The following STARD6 variants were observed in gnomAD, a reference collection of about 807,000 sequenced individuals.
STARD6 encodes the protein StAR related lipid transfer domain containing 6, also known as stAR-related lipid transfer protein 6.
A neutral mutation model predicts 22.3 loss-of-function variants in STARD6; 21 were observed. The ratio of observed to expected loss-of-function variants is 0.94; its 90% CI spans 0.67 to 1.35. STARD6 has a LOEUF of 1.35. STARD6 is among the 40% of genes most tolerant of loss of function. The pLI, the probability that STARD6 is intolerant of heterozygous loss-of-function variation, is 0.00. For synonymous variants in STARD6, 80 were observed against 88.1 expected (o/e 0.91, Z 0.52); for missense variants, 269 against 266.9 (o/e 1.01, Z -0.05).
In STARD6 at chr18:54,342,029, C is replaced by T. The variant is rs112041663; in HGVS notation, c.141-4778G>A. Among the ~76,000 whole-genome samples the T allele has an allele frequency of 4.3e-3, 661 of 151,956 alleles. 9 individuals are homozygous for T. The highest frequency in any genetic ancestry group is 0.014 in the African/African-American group (568 of 41,470). ...ATTGATAAATGTTTAGCTAGATGTACGCAAAAAAAGAGAATAGACTCAACT... is the reference window on the plus strand; with the variant it reads ...ATTGATAAATGTTTAGCTAGATGTATGCAAAAAAAGAGAATAGACTCAACT... On this transcript the variant is annotated intron_variant, in intron 4 of 7. Coordinates refer to ENST00000307844, the MANE Select transcript of STARD6 (RefSeq NM_139171.2).
At chr18:54,344,049 G>T (rs1361415746) in intron 4 of STARD6, among the ~76,000 whole-genome samples, 1 of 44,992 alleles carries the variant, frequency 2.2e-5, no homozygotes, top group South Asian at 9.5e-4. Context: ...CCCTCTGCCC[G>T]GCCACCACCC....
intron 4 of STARD6, among the ~76,000 whole-genome samples, chr18:54,340,238 A>T (rs2088957954): frequency 1.3e-5 from 2 of 152,152 alleles, no homozygotes; most frequent in South Asian, 4.1e-4. Context: ...TATAGACATA[A>T]TATGTGCAAC....
chr18:54,331,060 G>A (rs562843792), intron 6 of STARD6, among the ~76,000 whole-genome samples: 23 of 152,126 alleles, frequency 1.5e-4, no homozygotes, highest in African/African-American at 5.5e-4. Flanking sequence ...TTAACGAAAC[G>A]TAGTTGTCCC....
At chr18:54,341,277 T>A (rs890403596) in intron 4 of STARD6, among the ~76,000 whole-genome samples, 3 of 152,190 alleles carry the variant, frequency 2.0e-5, no homozygotes, top group Non-Finnish European at 2.9e-5. Flanking sequence ...GCCAGGATGG[T>A]CTCGATCTCC....
chr18:54,338,246 G>A (rs569125277), intron 4 of STARD6, among the ~76,000 whole-genome samples: 3 of 152,320 alleles, frequency 2.0e-5, no homozygotes, highest in Non-Finnish European at 4.4e-5. Context: ...GCTGAAGGCT[G>A]CACCCTCTGA....
intron 4 of STARD6, among the ~76,000 whole-genome samples, chr18:54,346,894 C>T (rs1268472076): frequency 6.6e-6 from 1 of 152,100 alleles, no homozygotes; most frequent in South Asian, 2.1e-4. Context: ...TCGCCTGGGG[C>T]TGGGGTGAAT....
At chr18:54,357,655 G>A (rs1385275792) in intron 1 of STARD6, 137 bp downstream of exon 1, 3 of 152,454 alleles carry the variant, frequency 2.0e-5, no homozygotes, top group Non-Finnish European at 4.4e-5. Flanking sequence ...GGGGCCGGCT[G>A]AAGGGAGATC....
chr18:54,336,540 G>A (rs1461301969), intron 5 of STARD6, among the ~76,000 whole-genome samples: 1 of 152,110 alleles, frequency 6.6e-6, no homozygotes, highest in African/African-American at 2.4e-5. Flanking sequence ...CTTCATAGCC[G>A]GCGGACTCAT....
At chr18:54,325,271 A>G (rs1225543771) in intron 7 of STARD6, among the ~76,000 whole-genome samples, 1 of 152,120 alleles carries the variant, frequency 6.6e-6, no homozygotes, top group Non-Finnish European at 1.5e-5. Context: ...AAAACAGCAT[A>G]CATTTGTACA....
intron 5 of STARD6, among the ~76,000 whole-genome samples, chr18:54,335,909 CAATT>C (rs1425188258): frequency 1.3e-5 from 2 of 152,128 alleles, no homozygotes; most frequent in Non-Finnish European, 1.5e-5. Context: ...AACTGTGAGT[CAATT>C]AAACCTTTTT....
At chr18:54,342,525 G>C (rs1435000342) in intron 4 of STARD6, among the ~76,000 whole-genome samples, 3 of 133,846 alleles carry the variant, frequency 2.2e-5, no homozygotes, top group African/African-American at 9.2e-5. Context: ...ATGCGGAGCC[G>C]AAGCTGGACT....
chr18:54,346,018 T>G (rs771902575), intron 4 of STARD6, among the ~76,000 whole-genome samples: 1 of 152,166 alleles, frequency 6.6e-6, no homozygotes, highest in Non-Finnish European at 1.5e-5. Context: ...AATTATTTCT[T>G]GGATTCAGCA....
chr18:54,329,967 A>G (rs1168714521), intron 6 of STARD6, among the ~76,000 whole-genome samples: 1 of 151,820 alleles, frequency 6.6e-6, no homozygotes, highest in Non-Finnish European at 1.5e-5. Flanking sequence ...CCTGTAGCTA[A>G]CTTCAAACTC....
chr18:54,349,495 C>T (rs1657890), intron 4 of STARD6, among the ~76,000 whole-genome samples: 114,716 of 152,058 alleles, frequency 0.75, 44,196 homozygotes, highest in African/African-American at 0.93. Context: ...CTGCACATCA[C>T]GATAAAATGT....
intron 5 of STARD6, among the ~76,000 whole-genome samples, chr18:54,336,165 T>C (rs2088909972): frequency 1.3e-5 from 2 of 152,234 alleles, no homozygotes; most frequent in South Asian, 4.1e-4. Flanking sequence ...TTTCTCTTTG[T>C]TTTTATTCTC....
intron 1 of STARD6, among the ~76,000 whole-genome samples, chr18:54,357,343 C>G (rs531010187): frequency 2.6e-5 from 4 of 152,192 alleles, no homozygotes; most frequent in African/African-American, 4.8e-5. Flanking sequence ...TCAAGGCTTC[C>G]TAGGAGTTTG....
At chr18:54,349,892 T>C (rs1345159298) in intron 4 of STARD6, among the ~76,000 whole-genome samples, 2 of 152,092 alleles carry the variant, frequency 1.3e-5, no homozygotes, top group Non-Finnish European at 2.9e-5. Flanking sequence ...ATTTTCTTTA[T>C]CCACTCATTG....
chr18:54,352,129 GT>G lies in STARD6; in HGVS notation c.140+1924del, dbSNP rs556480398. On this transcript the variant is annotated intron_variant, in intron 4 of 7. Coordinates refer to ENST00000307844, the MANE Select transcript of STARD6 (RefSeq NM_139171.2). Reference sequence around the variant, plus strand: ...TGTTTCAATCTTGCTACTTGTTTTTGTTTTTTTTTTTCAGATTTTCTATTTC... The same window carrying G: ...TGTTTCAATCTTGCTACTTGTTTTTGTTTTTTTTTTCAGATTTTCTATTTC... Among the ~76,000 whole-genome samples the G allele has an allele frequency of 7.5e-3, 987 of 131,142 alleles. 6 individuals are homozygous for G. The highest frequency in any genetic ancestry group is 0.026 in the African/African-American group (934 of 36,042). 86.0% of individuals were successfully genotyped at this position (131,142 alleles called of 152,430 possible). A position where few individuals can be genotyped will look rare whatever the true frequency, so the allele number is the denominator to read the frequency against.
At chr18:54,324,932 CT>C in intron 7 of STARD6, 57 bp from the exon 8 acceptor site, 1 of 1,390,454 alleles carries the variant, frequency 7.2e-7, no homozygotes. Context: ...TAACTACTGA[CT>C]TTACAGGTTT....
Sources: gnomAD v4.1 joint callset for allele counts (sites outside exome capture counted in the v4.1 genomes callset) on GRCh38, gnomAD v4.1.1 for gene constraint, MANE v1.5 for transcripts, NCBI Gene and HGNC (gene_info 2026-07-23, HGNC 2026-07-21) for gene names.